Variants in LAMA2 observed in about 807,000 individuals in gnomAD.
LAMA2 encodes laminin subunit alpha-2.
LAMA2 carries 269 observed loss-of-function variants against 364.8 expected under a neutral mutation model. The ratio of observed to expected loss-of-function variants is 0.74; its 90% CI spans 0.67 to 0.82. LAMA2 has a LOEUF of 0.82. LAMA2 is among the 40% of genes least tolerant of loss of function. The pLI, the probability that LAMA2 is intolerant of heterozygous loss-of-function variation, is 0.00. For synonymous variants in LAMA2, 1,379 were observed against 1,370.6 expected, an observed-to-expected ratio of 1.01 and a Z score of -0.14; for missense variants, 3,807 against 3,873.2, an observed-to-expected ratio of 0.98 and a Z score of 0.45.
Position 129,252,232 on chromosome 6 carries a change from T to C in LAMA2, c.2033T>C (p.Leu678Pro). The change falls in exon 14 of 65, where the codon CTT (leucine) becomes CCT (proline). Residue 678 changes from leucine (L) to proline (P), a missense_variant. This residue lies in a region of LAMA2 where 3,333 missense variants were observed against 3,345.7 expected (regional missense o/e 1.00). Coordinates refer to ENST00000421865, the MANE Select transcript of LAMA2 (RefSeq NM_000426.4). ...PVRRKEFMTV[L>P]ANLKRVLLQI... ...CGTAGAAAGGAATTTATGACAGTGCTTGCGAATTTGAAGAGAGTCCTCCTA... is the reference window on the plus strand; with the variant it reads ...CGTAGAAAGGAATTTATGACAGTGCCTGCGAATTTGAAGAGAGTCCTCCTA... The C allele has an allele frequency of 6.2e-7, 1 of 1,614,142 alleles. No homozygotes were observed. The highest frequency in any genetic ancestry group is 1.1e-5 in the South Asian group (1 of 91,088).
intron 1 of LAMA2, among the ~76,000 whole-genome samples, chr6:128,920,360 G>A (rs1044231977): frequency 6.6e-6 from 1 of 151,854 alleles, no homozygotes; most frequent in African/African-American, 2.4e-5. Flanking sequence ...ATTTCACCAT[G>A]TTGGCCATGT....
chr6:129,238,003 C>CAA (rs372294022), intron 12 of LAMA2, among the ~76,000 whole-genome samples: 1,514 of 125,340 alleles, frequency 0.012, 30 homozygotes, highest in African/African-American at 0.036. Context: ...ACTAAAAATA[C>CAA]AAAAAAAAAA....
intron 37 of LAMA2, among the ~76,000 whole-genome samples, chr6:129,396,101 T>G (rs2437090): frequency 0.36 from 55,178 of 152,074 alleles, 11,589 homozygotes; most frequent in Non-Finnish European, 0.47. Flanking sequence ...GTGGCTCACT[T>G]AAACTGAATA....
intron 8 of LAMA2, chr6:129,158,744 C>T (rs942534739): frequency 1.7e-5 from 27 of 1,614,112 alleles, no homozygotes; most frequent in Admixed American, 5.0e-5. Flanking sequence ...TAAATTGGTC[C>T]GACAACATTC....
intron 29 of LAMA2, among the ~76,000 whole-genome samples, chr6:129,333,625 A>C (rs903786559): frequency 2.0e-5 from 3 of 152,162 alleles, no homozygotes; most frequent in African/African-American, 7.2e-5. Flanking sequence ...AATAATTACT[A>C]TCTTGCTTTA....
intron 61 of LAMA2, 52 bp from the exon 62 acceptor site, chr6:129,507,437 G>A: frequency 6.3e-7 from 1 of 1,596,020 alleles, no homozygotes; most frequent in Non-Finnish European, 8.6e-7. Flanking sequence ...TCTACATAAA[G>A]GCAAAGTTCT....
At chr6:129,307,197 G>A (rs1458826031) in intron 22 of LAMA2, among the ~76,000 whole-genome samples, 2 of 152,176 alleles carry the variant, frequency 1.3e-5, no homozygotes, top group Non-Finnish European at 2.9e-5. Context: ...CTTCTACTAA[G>A]CTGTGAAACT....
chr6:129,223,860 T>A (rs971425294), intron 12 of LAMA2, among the ~76,000 whole-genome samples: 1 of 150,820 alleles, frequency 6.6e-6, no homozygotes, highest in African/African-American at 2.4e-5. Flanking sequence ...TTTAAAGTAG[T>A]TTTTTTTCCA....
At chr6:129,233,473 TTATAA>T (rs1459208902) in intron 12 of LAMA2, among the ~76,000 whole-genome samples, 7 of 152,196 alleles carry the variant, frequency 4.6e-5, no homozygotes, top group African/African-American at 7.2e-5. Flanking sequence ...TGCTGTATTC[TTATAA>T]TAAAGTGTGT....
intron 3 of LAMA2, among the ~76,000 whole-genome samples, chr6:129,072,791 T>C (rs1360732169): frequency 6.6e-6 from 1 of 152,104 alleles, no homozygotes; most frequent in Non-Finnish European, 1.5e-5. Flanking sequence ...AACTTTGTAA[T>C]ATTTTACCTC....
At chr6:129,348,880 T>C (rs1369688560) in intron 30 of LAMA2, among the ~76,000 whole-genome samples, 1 of 152,194 alleles carries the variant, frequency 6.6e-6, no homozygotes, top group East Asian at 1.9e-4. Flanking sequence ...AAAATTTATA[T>C]AGATTTTATG....
intron 34 of LAMA2, among the ~76,000 whole-genome samples, chr6:129,376,115 G>A (rs1364769106): frequency 1.3e-5 from 2 of 152,030 alleles, no homozygotes; most frequent in African/African-American, 4.8e-5. Flanking sequence ...ACTTTTTTCA[G>A]GATGACATAC....
intron 10 of LAMA2, among the ~76,000 whole-genome samples, chr6:129,179,912 G>A (rs1780829974): frequency 6.6e-6 from 1 of 152,060 alleles, no homozygotes; most frequent in African/African-American, 2.4e-5. Flanking sequence ...ATGCCACGAT[G>A]AGTTATATCA....
At chr6:128,960,887 T>C (rs1238295900) in intron 1 of LAMA2, among the ~76,000 whole-genome samples, 3 of 152,160 alleles carry the variant, frequency 2.0e-5, no homozygotes, top group African/African-American at 7.2e-5. Context: ...TTTTTAATAT[T>C]ATTTTTGCCT....
At chr6:129,383,656 A>G (rs1778821037) in intron 35 of LAMA2, among the ~76,000 whole-genome samples, 1 of 152,206 alleles carries the variant, frequency 6.6e-6, no homozygotes, top group Non-Finnish European at 1.5e-5. Context: ...ACTGGTTTTT[A>G]ATGAACATCT....
chr6:129,144,011 A>T lies in LAMA2; in HGVS notation c.750A>T (p.Thr250=), dbSNP rs750848086. 1.1e-5 allele frequency: 17 copies of T among 1,612,742 alleles called. 1 individual carries two copies. Among genetic ancestry groups the T allele is most frequent in the South Asian group, 1.1e-5 (1 of 91,062 alleles). ...YIRLRFQRIR[T]LNADLMMFAH... ...GCCTGAGATTTCAGAGGATCCGCAC[A>T]CTGAATGCTGACTTGATGATGTTTG... Residue 250 remains threonine (T), a synonymous_variant, in exon 5 of 65, where the codon ACA becomes ACT. Coordinates refer to ENST00000421865, the MANE Select transcript of LAMA2 (RefSeq NM_000426.4).
intron 1 of LAMA2, among the ~76,000 whole-genome samples, chr6:128,901,177 A>C (rs556074949): frequency 6.6e-6 from 1 of 152,306 alleles, no homozygotes; most frequent in African/African-American, 2.4e-5. Context: ...AAAATTCATT[A>C]TTCATTATTT....
chr6:129,428,961 T>C (rs140790857), intron 41 of LAMA2, among the ~76,000 whole-genome samples: 1 of 152,172 alleles, frequency 6.6e-6, no homozygotes, highest in East Asian at 1.9e-4. Flanking sequence ...CCATTTTCTG[T>C]CTCATATCTG....
At chr6:129,248,231 C>T (rs1327142906) in intron 12 of LAMA2, among the ~76,000 whole-genome samples, 2 of 152,188 alleles carry the variant, frequency 1.3e-5, no homozygotes, top group South Asian at 2.1e-4. Context: ...CAAAACCCCT[C>T]CTCTGTGTCC....
Sources: gnomAD v4.1 joint callset for allele counts (sites outside exome capture counted in the v4.1 genomes callset) on GRCh38, gnomAD v4.1.1 for gene constraint, gnomAD v4.1.1 regional missense constraint, MANE v1.5 for transcripts, NCBI Gene and HGNC (gene_info 2026-07-23, HGNC 2026-07-21) for gene names.